The following CFAP54 variants were observed in gnomAD, a reference collection of about 807,000 sequenced individuals.
CFAP54 encodes cilia- and flagella-associated protein 54.
A neutral mutation model predicts 370.4 loss-of-function variants in CFAP54; 290 were observed. The observed-to-expected ratio is 0.78, with a 90% confidence interval of 0.71 to 0.86. The LOEUF is 0.86. CFAP54 is among the 40% of genes least tolerant of loss of function. The pLI is 0.00. For synonymous variants in CFAP54, 1,206 were observed against 1,236.5 expected (o/e 0.98, Z 0.52); for missense variants, 3,399 against 3,528.7 (o/e 0.96, Z 0.93).
chr12:96,555,794 A>T (rs1955745354), intron 17 of CFAP54, among the ~76,000 whole-genome samples: 1 of 151,870 alleles, frequency 6.6e-6, no homozygotes, highest in Non-Finnish European at 1.5e-5. Flanking sequence ...AGACCAAATA[A>T]TCAGAAAGAT....
At chr12:96,570,978 C>T (rs781653450) in intron 19 of CFAP54, among the ~76,000 whole-genome samples, 1 of 152,114 alleles carries the variant, frequency 6.6e-6, no homozygotes, top group Admixed American at 6.5e-5. Context: ...ATGACTTAAT[C>T]TACTTTTCAT....
chr12:96,677,772 CAA>C (rs1957228184), intron 39 of CFAP54, among the ~76,000 whole-genome samples: 1 of 152,124 alleles, frequency 6.6e-6, no homozygotes, highest in South Asian at 2.1e-4. Context: ...TTACTTCTGT[CAA>C]TGCGGCCATG....
At chr12:96,626,121 C>T (rs938749772) in intron 29 of CFAP54, among the ~76,000 whole-genome samples, 2 of 152,100 alleles carry the variant, frequency 1.3e-5, no homozygotes, top group African/African-American at 2.4e-5. Flanking sequence ...CAGAAGCTCA[C>T]GCCTGTAATC....
chr12:96,744,606 A>G (rs1457036727), intron 55 of CFAP54, among the ~76,000 whole-genome samples: 1 of 152,248 alleles, frequency 6.6e-6, no homozygotes, highest in Non-Finnish European at 1.5e-5. Context: ...TGCATTATGT[A>G]TTTTATAACT....
chr12:96,681,705 C>T (rs1012529111), intron 40 of CFAP54, among the ~76,000 whole-genome samples: 2 of 151,928 alleles, frequency 1.3e-5, no homozygotes, highest in Admixed American at 6.6e-5. Flanking sequence ...CTGGTTCAAG[C>T]GATTCTCCTG....
At position 96,781,167 on chromosome 12, in the gene CFAP54, A is replaced by G. The variant is rs150989299; in HGVS notation, c.8282-3550A>G. Among the ~76,000 whole-genome samples, 34 of 152,294 alleles carry G rather than the reference A, an allele frequency of 2.2e-4. No individual in the cohort carries two copies. The East Asian group carries it at 4.1e-3, about 18-fold the overall frequency. On this transcript the variant is annotated intron_variant, in intron 60 of 67. Transcript: ENST00000524981. ...AGTTTGTGATCTCAAGTATGTCTTC[A>G]ATAGCATGAATGGAGTCTAGAATGA...
chr12:96,861,118 C>T (rs945127978), intron 67 of CFAP54, among the ~76,000 whole-genome samples, 166 bp downstream of exon 67: 6 of 152,218 alleles, frequency 3.9e-5, no homozygotes, highest in African/African-American at 1.2e-4. Context: ...AATTAAATGA[C>T]GGTGCTGCTG....
intron 14 of CFAP54, among the ~76,000 whole-genome samples, chr12:96,544,919 T>C (rs865896782): frequency 3.9e-5 from 6 of 151,906 alleles, no homozygotes; most frequent in Middle Eastern, 3.4e-3. Context: ...CTTTTTTTTT[T>C]TTTTCCCTTT....
chr12:96,556,321 G>C (rs1300830735), intron 17 of CFAP54, among the ~76,000 whole-genome samples: 1 of 143,288 alleles, frequency 7.0e-6, no homozygotes, highest in Non-Finnish European at 1.5e-5. Flanking sequence ...GATAAGGAAA[G>C]CAAAAAAAAA....
intron 26 of CFAP54, among the ~76,000 whole-genome samples, chr12:96,611,715 A>G (rs1381157080): frequency 6.6e-5 from 10 of 152,368 alleles, no homozygotes; most frequent in Admixed American, 5.9e-4. Flanking sequence ...GCTGAAAACC[A>G]TGACACGAGA....
chr12:96,591,603 T>A (rs1303110290), intron 23 of CFAP54, among the ~76,000 whole-genome samples: 1 of 151,468 alleles, frequency 6.6e-6, no homozygotes, highest in Non-Finnish European at 1.5e-5. Context: ...GAAATATTTT[T>A]TTTTGGCCGG....
intron 32 of CFAP54, among the ~76,000 whole-genome samples, chr12:96,640,431 A>G (rs895889807): frequency 6.6e-6 from 1 of 152,184 alleles, no homozygotes; most frequent in East Asian, 1.9e-4. Context: ...AAAGAGGATA[A>G]AAACCAGTGG....
At chr12:96,728,006 C>T in intron 50 of CFAP54, among the ~76,000 whole-genome samples, 1 of 151,914 alleles carries the variant, frequency 6.6e-6, no homozygotes, top group East Asian at 1.9e-4. Flanking sequence ...ATATTGGCCC[C>T]CACTCTCTTC....
chr12:96,591,748 G>A (rs1055434947), intron 23 of CFAP54, among the ~76,000 whole-genome samples: 1 of 151,586 alleles, frequency 6.6e-6, no homozygotes, highest in African/African-American at 2.4e-5. Flanking sequence ...AAAATTAGCC[G>A]GGCATGGTGG....
rs1958085218 is a variant in CFAP54, at chr12:96,744,161, A to C, written c.7684+15A>C. 4.4e-6 allele frequency: 7 copies of C among 1,591,354 alleles called. No homozygotes were observed. The highest frequency in any genetic ancestry group is 1.4e-5 in the African/African-American group (1 of 74,022). On this transcript the variant is annotated intron_variant, in intron 55 of 67. Transcript: ENST00000524981. ...AATGAGAATTGGTAAGAACATTTAAACTTATATTGCCCTAGAATAACTGAT... is the reference window on the plus strand; with the variant it reads ...AATGAGAATTGGTAAGAACATTTAACCTTATATTGCCCTAGAATAACTGAT...
chr12:96,730,639 G>T (rs1387131165), intron 50 of CFAP54, among the ~76,000 whole-genome samples: 2 of 152,082 alleles, frequency 1.3e-5, no homozygotes, highest in Non-Finnish European at 2.9e-5. Flanking sequence ...CATTTATAAT[G>T]AAATTCCATA....
intron 63 of CFAP54, among the ~76,000 whole-genome samples, chr12:96,795,706 TC>T (rs1958754219): frequency 6.6e-6 from 1 of 151,822 alleles, no homozygotes; most frequent in African/African-American, 2.4e-5. Flanking sequence ...ACTACAAGCC[TC>T]CCCGCTAAGA....
Position 96,625,794 on chromosome 12 carries a change from T to G in CFAP54, c.3963T>G (p.Gly1321=), listed in dbSNP as rs1249592710. The part of the protein sequence containing the change: ...YPVVLNWSVK[G]AVKEVMKFKQ... ...TAGTTTTGAATTGGTCGGTCAAAGG[T>G]GCCGTGAAAGAAGGTAGGTGAACTG... is the stretch of plus-strand genomic sequence containing the variant. Residue 1321 remains glycine, a synonymous_variant, in exon 29 of 68, where the codon GGT becomes GGG. Coordinates refer to ENST00000524981, the MANE Select transcript of CFAP54 (RefSeq NM_001306084.2). 6.5e-7 allele frequency: 1 copy of G among 1,535,334 alleles called. No homozygotes were observed. Among genetic ancestry groups the G allele is most frequent in the Admixed American group, 2.0e-5 (1 of 50,978 alleles).
intron 63 of CFAP54, among the ~76,000 whole-genome samples, chr12:96,798,724 T>G (rs1431804259): frequency 1.3e-5 from 2 of 152,168 alleles, no homozygotes; most frequent in Admixed American, 1.3e-4. Flanking sequence ...ACTCCTAACC[T>G]CAATAAAGAG....
Sources: allele counts gnomAD v4.1 joint callset (sites outside exome capture counted in the v4.1 genomes callset), GRCh38; gene constraint gnomAD v4.1.1; transcripts MANE v1.5; gene names NCBI Gene and HGNC (gene_info 2026-07-23, HGNC 2026-07-21).